CNTN3: variants seen among roughly 807,000 people sequenced by gnomAD.
CNTN3 encodes contactin-3.
A neutral mutation model predicts 119.1 loss-of-function variants in CNTN3; 60 were observed. The observed-to-expected ratio is 0.50, with a 90% CI of 0.41 to 0.62. CNTN3 has a LOEUF of 0.62. Among genes scored for constraint, CNTN3 ranks in the 20% least tolerant of loss-of-function variants. The pLI is 0.00. For synonymous variants in CNTN3, 450 were observed against 438.7 expected (o/e 1.03, Z -0.32); for missense variants, 1,101 against 1,242.4 (o/e 0.89, Z 1.71).
intron 13 of CNTN3, among the ~76,000 whole-genome samples, chr3:74,318,524 G>T (rs139462280): frequency 0.059 from 9,000 of 152,162 alleles, 875 homozygotes; most frequent in African/African-American, 0.19. Flanking sequence ...TGGTGTGGAT[G>T]TCCTTTCTGT....
In CNTN3 at chr3:74,325,035, T is replaced by A. The variant is rs557935790; in HGVS notation, c.1668+9700A>T. The stretch of plus-strand genomic sequence containing the variant: ...TATTGAAATATCAGTTTGTACCCCA[T>A]AAATATGTACAATTGTTGCATGTCT... On this transcript the variant is annotated intron_variant, in intron 13 of 22. Coordinates refer to ENST00000263665, the MANE Select transcript of CNTN3 (RefSeq NM_020872.3). 7.9e-5 allele frequency among the ~76,000 whole-genome samples: 12 copies of A among 152,176 alleles called. No individual in the cohort carries two copies. The East Asian group carries it at 2.3e-3, about 29-fold the overall frequency.
chr3:74,602,028 G>A (rs1210013914), intron 1 of CNTN3, among the ~76,000 whole-genome samples: 2 of 151,914 alleles, frequency 1.3e-5, no homozygotes, highest in African/African-American at 2.4e-5. Context: ...ATATGAACAG[G>A]CCAGGCATGA....
At chr3:74,471,939 T>C (rs1354283067) in intron 4 of CNTN3, among the ~76,000 whole-genome samples, 1 of 152,092 alleles carries the variant, frequency 6.6e-6, no homozygotes, top group Non-Finnish European at 1.5e-5. Context: ...TTGTGAAGAG[T>C]CCGACACACA....
At chr3:74,352,113 C>G (rs1703829234) in intron 11 of CNTN3, among the ~76,000 whole-genome samples, 1 of 152,200 alleles carries the variant, frequency 6.6e-6, no homozygotes, top group African/African-American at 2.4e-5. Context: ...TCAAGCCAGG[C>G]TTTCTTATTT....
At chr3:74,363,350 A>G (rs564637721) in intron 10 of CNTN3, among the ~76,000 whole-genome samples, 1 of 152,206 alleles carries the variant, frequency 6.6e-6, no homozygotes, top group South Asian at 2.1e-4. Flanking sequence ...GTGGATAATT[A>G]TCTTTTGTGA....
intron 13 of CNTN3, among the ~76,000 whole-genome samples, chr3:74,303,379 T>C (rs1323107475): frequency 6.6e-6 from 1 of 152,024 alleles, no homozygotes. Flanking sequence ...TAAGAAGAAA[T>C]TAAAACATTT....
chr3:74,518,475 T>TA (rs1472259967), intron 2 of CNTN3, among the ~76,000 whole-genome samples: 4 of 151,960 alleles, frequency 2.6e-5, no homozygotes, highest in Admixed American at 2.6e-4. Flanking sequence ...TGTGTACAAA[T>TA]ACTACAGAAG....
intron 11 of CNTN3, among the ~76,000 whole-genome samples, chr3:74,358,834 C>T (rs1032535199): frequency 1.4e-5 from 2 of 139,914 alleles, no homozygotes; most frequent in Admixed American, 7.9e-5. Context: ...TTGTTCAATT[C>T]CCACCTATGA....
chr3:74,364,132 C>T (rs775376759), intron 10 of CNTN3, among the ~76,000 whole-genome samples: 8 of 152,012 alleles, frequency 5.3e-5, no homozygotes, highest in African/African-American at 1.7e-4. Context: ...TTTGCTATTA[C>T]GGACCAGCAA....
chr3:74,380,730 T>C (rs1389726605), intron 5 of CNTN3, among the ~76,000 whole-genome samples: 1 of 152,162 alleles, frequency 6.6e-6, no homozygotes, highest in Non-Finnish European at 1.5e-5. Context: ...AAAAGAACCA[T>C]ACAGACAGGG....
At chr3:74,298,227 A>ATGTG in intron 17 of CNTN3, 36 bp from the exon 18 acceptor site, 2 of 1,367,020 alleles carry the variant, frequency 1.5e-6, no homozygotes, top group Non-Finnish European at 2.0e-6. Flanking sequence ...ACCCTTACAC[A>ATGTG]TAAGGGCAAG....
chr3:74,568,146 TA>T (rs76391321), intron 1 of CNTN3, among the ~76,000 whole-genome samples: 18,534 of 151,754 alleles, frequency 0.12, 1,297 homozygotes, highest in East Asian at 0.33. Flanking sequence ...TATGATAACT[TA>T]AAAAAAAATT....
intron 1 of CNTN3, among the ~76,000 whole-genome samples, chr3:74,524,067 G>C (rs1703580951): frequency 6.6e-6 from 1 of 151,814 alleles, no homozygotes; most frequent in Non-Finnish European, 1.5e-5. Flanking sequence ...CATGGGAACT[G>C]GCCACCATGT....
At chr3:74,555,554 G>A (rs1462677496) in intron 1 of CNTN3, among the ~76,000 whole-genome samples, 1 of 152,136 alleles carries the variant, frequency 6.6e-6, no homozygotes, top group Non-Finnish European at 1.5e-5. Context: ...GAATTTTTTT[G>A]GTTGGTAGGC....
intron 19 of CNTN3, among the ~76,000 whole-genome samples, chr3:74,288,162 T>G (rs972137259): frequency 6.9e-6 from 1 of 145,248 alleles, no homozygotes; most frequent in East Asian, 2.0e-4. Flanking sequence ...TTCTTTTCTT[T>G]TTTTTTTTTT....
chr3:74,575,695 TA>T lies in CNTN3; in HGVS notation c.-81+38695del, dbSNP rs1011488066. 3.7e-4 allele frequency among the ~76,000 whole-genome samples: 55 copies of T among 150,592 alleles called. 1 individual carries two copies. Among genetic ancestry groups the T allele is most frequent in the African/African-American group, 1.2e-3 (51 of 40,822 alleles). Reference sequence around the variant, plus strand: ...ATAGTCCTTTGATTTAGGGGGAGGATATTTGGGGGAAGACATCAACTCCTGC... The same window carrying T: ...ATAGTCCTTTGATTTAGGGGGAGGATTTTGGGGGAAGACATCAACTCCTGC... On this transcript the variant is annotated intron_variant, in intron 1 of 22. Transcript: ENST00000263665.
intron 1 of CNTN3, among the ~76,000 whole-genome samples, chr3:74,561,406 T>C (rs1040895823): frequency 6.6e-6 from 1 of 152,154 alleles, no homozygotes; most frequent in Non-Finnish European, 1.5e-5. Context: ...TGTCTTTCCC[T>C]TTGACCCTCT....
chr3:74,557,427 T>C (rs1704087281), intron 1 of CNTN3, among the ~76,000 whole-genome samples: 1 of 152,138 alleles, frequency 6.6e-6, no homozygotes, highest in Admixed American at 6.6e-5. Context: ...CCTTCTTGCA[T>C]GGATGAGGCA....
intron 1 of CNTN3, among the ~76,000 whole-genome samples, chr3:74,613,523 G>A (rs1248492997): frequency 6.6e-6 from 1 of 151,964 alleles, no homozygotes; most frequent in African/African-American, 2.4e-5. Context: ...AGCGGACACC[G>A]TTTGTTATTA....
Sources: allele counts gnomAD v4.1 joint callset (sites outside exome capture counted in the v4.1 genomes callset), GRCh38; gene constraint gnomAD v4.1.1; transcripts MANE v1.5; gene names NCBI Gene and HGNC (gene_info 2026-07-23, HGNC 2026-07-21).